Variants in ERVW-1 observed in about 807,000 individuals in gnomAD.
The protein encoded by ERVW-1 is endogenous retrovirus group W member 1, envelope.
A neutral mutation model predicts 16.6 loss-of-function variants in ERVW-1; 21 were observed. The observed-to-expected ratio is 1.26, with a 90% CI of 0.90 to 1.82. The LOEUF is 1.82. Ranked by LOEUF, ERVW-1 falls within the 40% of genes most tolerant of loss-of-function variation. ERVW-1 has a pLI of 0.00. For missense variants in ERVW-1, 412 were observed against 300.2 expected (o/e 1.37, Z -2.75); for synonymous variants, 161 against 109.8 (o/e 1.47, Z -2.92).
chr7:92,470,320 G>C lies in ERVW-1; in HGVS notation c.62C>G (p.Ala21Gly), dbSNP rs558475688. Residue 21 changes from alanine (A) to glycine (G), a missense_variant, in exon 2 of 2, where the codon GCA becomes GGA. Ala to Gly is a moderately conservative substitution (Grantham distance 60). Coordinates refer to ENST00000603053, the MANE Select transcript of ERVW-1 (RefSeq NM_001130925.2). ...TVLLPSFTLT[A>G]PPPCRCMTSS... ...GGTCATACAGCGGCATGGAGGGGGT[G>C]CAGTGAGAGTGAAAGAGGGTAAAAG... The C allele has an allele frequency of 1.3e-6, 1 of 772,408 alleles. No homozygotes were observed. The highest frequency in any genetic ancestry group is 1.7e-5 in the African/African-American group (1 of 58,910). The allele number at this position is 772,408 out of a possible 1,614,324, so 47.8% of individuals were successfully genotyped here. A position where few individuals can be genotyped will look rare whatever the true frequency, so the allele number is the denominator to read the frequency against.
chr7:92,471,394 C>T (rs1274437121), intron 1 of ERVW-1: 1 of 152,642 alleles, frequency 6.6e-6, no homozygotes, highest in Non-Finnish European at 1.5e-5. Flanking sequence ...ATTTGGCCAT[C>T]TGATGGGTGC....
In ERVW-1 at chr7:92,469,109, T is replaced by A; in HGVS notation, c.1273A>T (p.Ile425Leu). 1 of 702,288 alleles carries A rather than the reference T, an allele frequency of 1.4e-6. No homozygotes were observed. The highest frequency in any genetic ancestry group is 2.6e-6 in the Non-Finnish European group (1 of 385,412). The allele number at this position is 702,288 out of a possible 1,614,324, so 43.5% of individuals were successfully genotyped here. ...CGAAGCTCCTCTGCTCTACGTTGTA[T>A]TCGATCTCGAATTTCTTTAACTTTC... ...TEKVKEIRDR[I>L]QRRAEELRNT... The change falls in exon 2 of 2, where the codon ATA becomes TTA. Residue 425 changes from isoleucine to leucine, a missense_variant. Coordinates refer to ENST00000603053, the MANE Select transcript of ERVW-1 (RefSeq NM_001130925.2).
rs1357418506 is a variant in ERVW-1, at chr7:92,469,649, A to G, written c.733T>C (p.Tyr245His). The stretch of plus-strand genomic sequence containing the variant: ...CTGATGCATTGGGAGTTGGTTGTGT[A>G]TGTAGTATTGCTAAATTTTACACAG... ...LTCVKFSNTT[Y>H]TTNSQCIRWV... The change falls in exon 2 of 2, where the codon TAC becomes CAC. Residue 245 changes from tyrosine (Y) to histidine (H), a missense_variant. Coordinates refer to ENST00000603053, the MANE Select transcript of ERVW-1 (RefSeq NM_001130925.2). 2.6e-6 allele frequency: 2 copies of G among 764,516 alleles called. No homozygotes were observed. The highest frequency in any genetic ancestry group is 2.7e-5 in the South Asian group (2 of 74,538). 47.4% of individuals were successfully genotyped at this position (764,516 alleles called of 1,614,324 possible).
In ERVW-1 at chr7:92,470,364, A is replaced by G; in HGVS notation, c.18T>C (p.His6=). The part of the protein sequence containing the change: MALPY[H]IFLFTVLLPS... The stretch of plus-strand genomic sequence containing the variant: ...GTAAAAGAACAGTAAAGAGAAAAAT[A>G]TGATAAGGGAGGGCCATGGGGATTT... The change falls in exon 2 of 2, where the codon CAT becomes CAC. Residue 6 remains histidine, a synonymous_variant. Transcript: ENST00000603053. 1 of 711,510 alleles carries G rather than the reference A, an allele frequency of 1.4e-6. No individual in the cohort carries two copies. The highest frequency in any genetic ancestry group is 2.6e-6 in the Non-Finnish European group (1 of 386,676). The allele number at this position is 711,510 out of a possible 1,614,324, so 44.1% of individuals were successfully genotyped here.
chr7:92,468,829 G>C lies in ERVW-1; in HGVS notation c.1553C>G (p.Thr518Ser), dbSNP rs760799472. Reference sequence around the variant, plus strand: ...TGCAGCTGAGATTTCCTCAGGAGGGGTGCCTTTGATGTCATTAACATCAGA... The same window carrying C: ...TGCAGCTGAGATTTCCTCAGGAGGGCTGCCTTTGATGTCATTAACATCAGA... ...PRSDVNDIKG[T>S]PPEEISAAQP... The change falls in exon 2 of 2, where the codon ACC becomes AGC. Residue 518 changes from threonine to serine, a missense_variant. Thr to Ser is a moderately conservative substitution (Grantham distance 58). Coordinates refer to ENST00000603053, the MANE Select transcript of ERVW-1 (RefSeq NM_001130925.2). 1 of 764,050 alleles carries C rather than the reference G, an allele frequency of 1.3e-6. No individual in the cohort carries two copies. The highest frequency in any genetic ancestry group is 1.7e-5 in the African/African-American group (1 of 59,028). The allele number at this position is 764,050 out of a possible 1,614,324, so 47.3% of individuals were successfully genotyped here.
intron 1 of ERVW-1, among the ~76,000 whole-genome samples, chr7:92,473,936 T>C (rs1027196470): frequency 2.0e-5 from 3 of 152,064 alleles, no homozygotes; most frequent in African/African-American, 7.2e-5. Context: ...AGGACCTTTG[T>C]CCCCTGGGGC....
At position 92,468,765 on chromosome 7, in the gene ERVW-1, C is replaced by A; in HGVS notation, c.1617G>T (p.Ter539TyrextTer16). The A allele has an allele frequency of 1.4e-6, 1 of 728,922 alleles. No homozygotes were observed. Among genetic ancestry groups the A allele is most frequent in the South Asian group, 1.4e-5 (1 of 69,014 alleles). 45.2% of individuals were successfully genotyped at this position (728,922 alleles called of 1,614,324 possible). A position where few individuals can be genotyped will look rare whatever the true frequency, so the allele number is the denominator to read the frequency against. Residue 539 changes from the stop codon to tyrosine (Y), a stop_lost, in exon 2 of 2, where the codon TAG (stop) becomes TAT (tyrosine). Coordinates refer to ENST00000603053, the MANE Select transcript of ERVW-1 (RefSeq NM_001130925.2). The stretch of plus-strand genomic sequence containing the variant: ...TTGGGGAGGTTGGCCGACGACCGCT[C>A]TAACTGCTTCCTGCTGAATTGGGGC... ...LLRPNSAGSS[*>Y]
In ERVW-1 at chr7:92,469,696, A is replaced by T. The variant is rs1213211407; in HGVS notation, c.686T>A (p.Ile229Lys). The T allele has an allele frequency of 2.6e-6, 2 of 762,838 alleles. No homozygotes were observed. Among genetic ancestry groups the T allele is most frequent in the African/African-American group, 3.4e-5 (2 of 59,062 alleles). 47.3% of individuals were successfully genotyped at this position (762,838 alleles called of 1,614,324 possible). Residue 229 changes from isoleucine to lysine, a missense_variant, in exon 2 of 2, where the codon ATA becomes AAA. Transcript: ENST00000603053. ...ACAGGTGAGGTTTGAGGTATGGGTT[A>T]TTTCCAGATTGGAAACAAGAGGTCC... The part of the protein sequence containing the change: ...LVGPLVSNLE[I>K]THTSNLTCVK...
chr7:92,475,946 G>C (rs955447978), intron 1 of ERVW-1, among the ~76,000 whole-genome samples: 1 of 152,202 alleles, frequency 6.6e-6, no homozygotes, highest in Admixed American at 6.5e-5. Flanking sequence ...CAGCTCACAC[G>C]TTTGAGGAGA....
At chr7:92,475,966 A>G (rs1790526475) in intron 1 of ERVW-1, among the ~76,000 whole-genome samples, 1 of 152,200 alleles carries the variant, frequency 6.6e-6, no homozygotes, top group South Asian at 2.1e-4. Context: ...ACCAGTTATT[A>G]GGCAATTTTT....
At position 92,469,386 on chromosome 7, in the gene ERVW-1, T is replaced by A. The variant is rs751548935; in HGVS notation, c.996A>T (p.Ala332=). The change falls in exon 2 of 2, where the codon GCA becomes GCT. Residue 332 remains alanine, a synonymous_variant. Coordinates refer to ENST00000603053, the MANE Select transcript of ERVW-1 (RefSeq NM_001130925.2). ...PFVIGAGVLG[A]LGTGIGGITT... ...TGATACCGCCAATGCCAGTACCTAGTGCACCTAGCACTCCTGCTCCTATAA... is the reference window on the plus strand; with the variant it reads ...TGATACCGCCAATGCCAGTACCTAGAGCACCTAGCACTCCTGCTCCTATAA... The A allele has an allele frequency of 2.6e-6, 2 of 770,550 alleles. No homozygotes were observed. Among genetic ancestry groups the A allele is most frequent in the Admixed American group, 3.4e-5 (2 of 59,002 alleles). The allele number at this position is 770,550 out of a possible 1,614,324, so 47.7% of individuals were successfully genotyped here.
chr7:92,473,397 A>AG (rs1354418321), intron 1 of ERVW-1, among the ~76,000 whole-genome samples: 1 of 151,930 alleles, frequency 6.6e-6, no homozygotes, highest in African/African-American at 2.4e-5. Flanking sequence ...CTTGGGTCTG[A>AG]GGGGGTACTG....
At position 92,475,379 on chromosome 7, in the gene ERVW-1, A is replaced by G. The variant is rs1273261396; in HGVS notation, c.-228+2003T>C. On this transcript the variant is annotated intron_variant, in intron 1 of 1. Coordinates refer to ENST00000603053, the MANE Select transcript of ERVW-1 (RefSeq NM_001130925.2). Reference sequence around the variant, plus strand: ...GAGCTTTAGTCCTGGAGTGTCCTCTATGGTCCTAATGCTTATTCTTTCCAG... The same window carrying G: ...GAGCTTTAGTCCTGGAGTGTCCTCTGTGGTCCTAATGCTTATTCTTTCCAG... The G allele has an allele frequency of 3.9e-5, 6 of 152,198 alleles. No homozygotes were observed. The East Asian group carries it at 7.7e-4, about 20-fold the overall frequency. 9.4% of individuals were successfully genotyped at this position (152,198 alleles called of 1,614,324 possible).
In ERVW-1 at chr7:92,468,956, C is replaced by G. The variant is rs780672065; in HGVS notation, c.1426G>C (p.Val476Leu). ...TTTACAGCTTCGATTCTGGAAGAGA[C>G]AAAGTTAACAAGGAGGTTAAAGATA... ...PCIFNLLVNF[V>L]SSRIEAVKLQ... The change falls in exon 2 of 2, where the codon GTC becomes CTC. Residue 476 changes from valine to leucine, a missense_variant. Val to Leu is a conservative substitution (Grantham distance 32, BLOSUM62 1). Coordinates refer to ENST00000603053, the MANE Select transcript of ERVW-1 (RefSeq NM_001130925.2). 47 of 763,556 alleles carry G rather than the reference C, an allele frequency of 6.2e-5. No individual in the cohort carries two copies. The South Asian group carries it at 6.3e-4, about 10-fold the overall frequency. The allele number at this position is 763,556 out of a possible 1,614,324, so 47.3% of individuals were successfully genotyped here.
chr7:92,477,213 G>A (rs1790580790), intron 1 of ERVW-1, among the ~76,000 whole-genome samples, 169 bp downstream of exon 1: 1 of 152,266 alleles, frequency 6.6e-6, no homozygotes, highest in Admixed American at 6.5e-5. Flanking sequence ...CAACCCAGAA[G>A]GGTTGGGGGT....
chr7:92,470,106 A>G lies in ERVW-1; in HGVS notation c.276T>C (p.Ile92=), dbSNP rs546095222. The G allele has an allele frequency of 1.3e-6, 1 of 778,842 alleles. No homozygotes were observed. Among genetic ancestry groups the G allele is most frequent in the East Asian group, 2.4e-5 (1 of 41,248 alleles). The allele number at this position is 778,842 out of a possible 1,614,324, so 48.2% of individuals were successfully genotyped here. A position where few individuals can be genotyped will look rare whatever the true frequency, so the allele number is the denominator to read the frequency against. The change falls in exon 2 of 2, where the codon ATT becomes ATC. Residue 92 remains isoleucine (I), a synonymous_variant. Transcript: ENST00000603053. ...ANTHYWTGKM[I]NPSCPGGLGV... is the part of the protein sequence containing the mutation. ...CAAGTCCTCCAGGACAACTAGGATT[A>G]ATCATTTTTCCTGTCCAATAATGAG...
Position 92,469,298 on chromosome 7 carries a change from C to T in ERVW-1, c.1084G>A (p.Ala362Thr), listed in dbSNP as rs575297689. ...TCTTGCAAGGTGACCAGGGAGTCGG[C>T]GACCCGTTCCATGTCCCCATTTAGT... ...QELNGDMERV[A>T]DSLVTLQDQL... is the part of the protein sequence containing the mutation. The change falls in exon 2 of 2, where the codon GCC becomes ACC. Residue 362 changes from alanine to threonine, a missense_variant. Coordinates refer to ENST00000603053, the MANE Select transcript of ERVW-1 (RefSeq NM_001130925.2). 50 of 764,480 alleles carry T rather than the reference C, an allele frequency of 6.5e-5. No individual in the cohort carries two copies. The highest frequency in any genetic ancestry group is 5.4e-4 in the South Asian group (40 of 74,534). 47.4% of individuals were successfully genotyped at this position (764,480 alleles called of 1,614,324 possible).
intron 1 of ERVW-1, chr7:92,472,016 T>G (rs938674387): frequency 3.3e-5 from 5 of 152,208 alleles, no homozygotes; most frequent in Non-Finnish European, 5.9e-5. Context: ...ACCCCACTTT[T>G]CGAAGTCCTT....
Position 92,469,230 on chromosome 7 carries a change from T to C in ERVW-1, c.1152A>G (p.Arg384=), listed in dbSNP as rs1001706588. ...TTTCAGCGGTTAGCAAGTCTAAAGC[T>C]CTTCGATTTTGAAGGACTACTGCTG... is the stretch of plus-strand genomic sequence containing the variant. ...SLAAVVLQNR[R]ALDLLTAERG... is the part of the protein sequence containing the mutation. Residue 384 remains arginine, a synonymous_variant, in exon 2 of 2, where the codon AGA becomes AGG. Transcript: ENST00000603053. 1 of 763,024 alleles carries C rather than the reference T, an allele frequency of 1.3e-6. No individual in the cohort carries two copies. Among genetic ancestry groups the C allele is most frequent in the Non-Finnish European group, 2.4e-6 (1 of 417,090 alleles). 47.3% of individuals were successfully genotyped at this position (763,024 alleles called of 1,614,324 possible).
Sources: allele counts gnomAD v4.1 joint callset (sites outside exome capture counted in the v4.1 genomes callset), GRCh38; gene constraint gnomAD v4.1.1; transcripts MANE v1.5; gene names NCBI Gene and HGNC (gene_info 2026-07-23, HGNC 2026-07-21).